The following ACYP2 variants were observed in gnomAD, a reference collection of about 807,000 sequenced individuals.
ACYP2 encodes the protein acylphosphatase-2.
ACYP2 carries 12 observed loss-of-function variants against 11.2 expected under a neutral mutation model. The ratio of observed to expected loss-of-function variants is 1.08; its 90% CI spans 0.69 to 1.74. The LOEUF is 1.74. ACYP2 is among the 40% of genes most tolerant of loss of function. The pLI is 0.00. For missense variants in ACYP2, 134 were observed against 101.9 expected (o/e 1.31, Z -1.35); for synonymous variants, 43 against 32.2 (o/e 1.33, Z -1.13).
intron 4 of ACYP2, among the ~76,000 whole-genome samples, chr2:54,069,768 G>T (rs1314814605): frequency 6.6e-6 from 1 of 152,214 alleles, no homozygotes; most frequent in Admixed American, 6.5e-5. Flanking sequence ...AGGGTGACCA[G>T]CTGATGAATA....
chr2:54,171,354 G>A (rs776909868), intron 6 of ACYP2, among the ~76,000 whole-genome samples: 2 of 152,108 alleles, frequency 1.3e-5, no homozygotes, highest in South Asian at 2.1e-4. Flanking sequence ...GAATGTTATC[G>A]GGGGGCGAGC....
intron 6 of ACYP2, among the ~76,000 whole-genome samples, chr2:54,215,318 C>G (rs1177765500): frequency 6.6e-6 from 1 of 152,104 alleles, no homozygotes; most frequent in East Asian, 1.9e-4. Context: ...GCATCCTTGT[C>G]TTGTGCCAGT....
chr2:54,005,883 T>C (rs562086186), intron 2 of ACYP2, among the ~76,000 whole-genome samples: 1 of 152,344 alleles, frequency 6.6e-6, no homozygotes, highest in African/African-American at 2.4e-5. Flanking sequence ...GAATTTTGAT[T>C]GGAATTGCAT....
intron 6 of ACYP2, among the ~76,000 whole-genome samples, chr2:54,159,992 ACAT>A (rs1682637839): frequency 6.6e-6 from 1 of 152,094 alleles, no homozygotes; most frequent in Non-Finnish European, 1.5e-5. Flanking sequence ...CTGCTTCCTG[ACAT>A]CATTTAGCAC....
chr2:54,183,922 T>C (rs1303081068), intron 6 of ACYP2, among the ~76,000 whole-genome samples: 5 of 152,218 alleles, frequency 3.3e-5, no homozygotes, highest in South Asian at 2.1e-4. Flanking sequence ...GAGCATGTTA[T>C]AGCTACATGT....
intron 6 of ACYP2, among the ~76,000 whole-genome samples, chr2:54,174,912 G>T (rs1683374971): frequency 6.6e-6 from 1 of 152,164 alleles, no homozygotes; most frequent in Non-Finnish European, 1.5e-5. Context: ...TTTTTGATGT[G>T]CTGCTGGATT....
intron 4 of ACYP2, among the ~76,000 whole-genome samples, chr2:54,058,640 A>G (rs957457102): frequency 2.0e-5 from 3 of 152,096 alleles, no homozygotes; most frequent in Non-Finnish European, 1.5e-5. Flanking sequence ...GGAAAGAAAC[A>G]CAAAATGTGG....
intron 2 of ACYP2, among the ~76,000 whole-genome samples, chr2:53,974,209 C>T (rs370038092): frequency 7.9e-5 from 12 of 152,010 alleles, no homozygotes; most frequent in South Asian, 4.2e-4. Context: ...CCACTGAGCC[C>T]GGCCATATTT....
intron 6 of ACYP2, chr2:54,256,111 T>A (rs747023267): frequency 6.2e-7 from 1 of 1,614,052 alleles, no homozygotes; most frequent in Non-Finnish European, 8.5e-7. Flanking sequence ...CAGAGCATAG[T>A]CGAGAGTAGC....
intron 6 of ACYP2, among the ~76,000 whole-genome samples, chr2:54,147,199 C>T (rs534289376): frequency 1.5e-4 from 23 of 152,082 alleles, no homozygotes; most frequent in East Asian, 1.3e-3. Flanking sequence ...TTTATATTGC[C>T]GGCTTTCCTT....
chr2:54,095,379 C>T (rs763413493), intron 4 of ACYP2, among the ~76,000 whole-genome samples: 16 of 152,378 alleles, frequency 1.1e-4, no homozygotes, highest in African/African-American at 2.6e-4. Flanking sequence ...CATCCTGGCC[C>T]GTTCTCAAGG....
At chr2:54,096,482 G>A (rs1042245540) in intron 4 of ACYP2, among the ~76,000 whole-genome samples, 3 of 151,914 alleles carry the variant, frequency 2.0e-5, no homozygotes, top group South Asian at 2.1e-4. Flanking sequence ...CAAGGCAGGC[G>A]GCTGGGAGGT....
chr2:54,285,366 G>A (rs1689035506), intron 6 of ACYP2, among the ~76,000 whole-genome samples: 2 of 152,170 alleles, frequency 1.3e-5, no homozygotes, highest in Admixed American at 1.3e-4. Context: ...TCTGTGGGAT[G>A]CTCCTCTTGC....
chr2:54,114,023 T>C (rs1055030140), intron 4 of ACYP2, among the ~76,000 whole-genome samples: 1 of 152,232 alleles, frequency 6.6e-6, no homozygotes, highest in Non-Finnish European at 1.5e-5. Flanking sequence ...ATTTCCAGAA[T>C]ATATTTTACT....
chr2:54,095,494 G>T, intron 4 of ACYP2, among the ~76,000 whole-genome samples: 1 of 150,810 alleles, frequency 6.6e-6, no homozygotes, highest in Non-Finnish European at 1.5e-5. Context: ...CCCGGACGGG[G>T]CGGCTGGCTG....
intron 4 of ACYP2, among the ~76,000 whole-genome samples, chr2:54,113,740 A>G (rs991724876): frequency 6.6e-6 from 1 of 152,200 alleles, no homozygotes; most frequent in Non-Finnish European, 1.5e-5. Context: ...CAGATAGAGT[A>G]GACCCAAGAG....
intron 2 of ACYP2, chr2:54,030,668 C>A: frequency 5.2e-6 from 1 of 192,294 alleles, no homozygotes; most frequent in South Asian, 1.0e-4. Context: ...TCCTCTCTCC[C>A]TTTGTGTTCG....
intron 6 of ACYP2, among the ~76,000 whole-genome samples, chr2:54,299,591 CAAAA>C (rs1213298753): frequency 2.5e-5 from 2 of 79,426 alleles, no homozygotes; most frequent in African/African-American, 3.7e-5. Context: ...GACTCTGTCT[CAAAA>C]AAAAAAAAAA....
At chr2:54,252,400 T>C (rs1237718631) in intron 6 of ACYP2, among the ~76,000 whole-genome samples, 1 of 152,168 alleles carries the variant, frequency 6.6e-6, no homozygotes. Context: ...TATATGTATA[T>C]ATTTCCGTTG....
Sources: gnomAD v4.1 joint callset for allele counts (sites outside exome capture counted in the v4.1 genomes callset) on GRCh38, gnomAD v4.1.1 for gene constraint, MANE v1.5 for transcripts, NCBI Gene and HGNC (gene_info 2026-07-23, HGNC 2026-07-21) for gene names.